KIN: variants seen among roughly 807,000 people sequenced by gnomAD.
KIN encodes the protein Kin17 DNA and RNA binding protein, also known as DNA/RNA-binding protein KIN17.
KIN carries 47 observed loss-of-function variants against 63.0 expected under a neutral mutation model. The observed-to-expected ratio is 0.75, with a 90% CI of 0.59 to 0.95. The LOEUF (loss-of-function observed/expected upper bound fraction) is 0.95. Ranked by LOEUF, KIN falls within the 40% of genes least tolerant of loss-of-function variation. KIN has a pLI of 0.00. For missense variants in KIN, 408 were observed against 460.9 expected (o/e 0.89, Z 1.05); for synonymous variants, 160 against 157.7 (o/e 1.01, Z -0.11).
chr10:7,759,962 G>A lies in KIN; in HGVS notation c.1047C>T (p.Gly349=). Residue 349 remains glycine (G), a synonymous_variant, in exon 12 of 13, where the codon GGC becomes GGT. Transcript: ENST00000379562. ...PGKRILVLNG[G]YRGNEGTLES... ...CTAGGGTACCTTCATTTCCTCTGTA[G>A]CCTCCATTTAAAACTAGAATTCTTT... The A allele has an allele frequency of 6.5e-7, 1 of 1,528,480 alleles. No individual in the cohort carries two copies. Among genetic ancestry groups the A allele is most frequent in the Non-Finnish European group, 8.8e-7 (1 of 1,134,804 alleles). The allele number at this position is 1,528,480 out of a possible 1,614,324, so 94.7% of individuals were successfully genotyped here.
rs911682250 is a variant in KIN at position 7,753,152 on chromosome 10, C to T, written c.*2928G>A. ...CTGCAGTCATTTTGCTTAGCATAAA[C>T]TCTATCAAGTTCTACAGACTCAGAG... is the stretch of plus-strand genomic sequence containing the variant. On this transcript the variant is annotated 3_prime_UTR_variant, in exon 13 of 13. Coordinates refer to ENST00000379562, the MANE Select transcript of KIN (RefSeq NM_012311.4). 1 of 152,216 alleles carries T rather than the reference C, an allele frequency of 6.6e-6. No homozygotes were observed. The allele number at this position is 152,216 out of a possible 1,614,324, so 9.4% of individuals were successfully genotyped here.
At chr10:7,756,948 G>A (rs569855367) in intron 12 of KIN, among the ~76,000 whole-genome samples, 1 of 152,132 alleles carries the variant, frequency 6.6e-6, no homozygotes, top group Non-Finnish European at 1.5e-5. Flanking sequence ...TGGGAACACA[G>A]AGGCTAAGAA....
intron 1 of KIN, among the ~76,000 whole-genome samples, chr10:7,785,012 G>C (rs1835970178): frequency 6.6e-6 from 1 of 152,118 alleles, no homozygotes. Flanking sequence ...CACTTTGGGA[G>C]GCCGAGGCAG....
At chr10:7,781,587 T>TCTACACAC (rs71515486) in intron 2 of KIN, among the ~76,000 whole-genome samples, 1 of 140,720 alleles carries the variant, frequency 7.1e-6, no homozygotes, top group African/African-American at 2.7e-5. Flanking sequence ...ACCCTGTCTC[T>TCTACACAC]ACACACACAC....
chr10:7,765,399 A>G (rs1835523866), intron 9 of KIN, among the ~76,000 whole-genome samples: 1 of 152,042 alleles, frequency 6.6e-6, no homozygotes, highest in Non-Finnish European at 1.5e-5. Flanking sequence ...GTTTCAGACC[A>G]GCCTGGTCAA....
intron 6 of KIN, among the ~76,000 whole-genome samples, chr10:7,775,298 C>T (rs1302381767): frequency 6.6e-6 from 1 of 152,200 alleles, no homozygotes; most frequent in East Asian, 1.9e-4. Flanking sequence ...ACATGTGACA[C>T]AGTTCTGGCC....
At chr10:7,771,844 G>A (rs937838341) in intron 7 of KIN, among the ~76,000 whole-genome samples, 7 of 149,748 alleles carry the variant, frequency 4.7e-5, no homozygotes, top group African/African-American at 9.8e-5. Context: ...GTGGTGAGCC[G>A]AGGTCATGCC....
chr10:7,779,492 T>C (rs1168040666), intron 4 of KIN, among the ~76,000 whole-genome samples: 1 of 152,224 alleles, frequency 6.6e-6, no homozygotes, highest in African/African-American at 2.4e-5. Context: ...TCCATATTTA[T>C]ATTTAATGAA....
rs559872156 is a variant in KIN, at chr10:7,751,895, C to A, written c.*4185G>T. 3.0e-3 allele frequency: 6 copies of A among 1,970 alleles called. 3 individuals are homozygous for A. The highest frequency in any genetic ancestry group is 0.013 in the South Asian group (2 of 152). 0.1% of individuals were successfully genotyped at this position (1,970 alleles called of 1,614,324 possible). On this transcript the variant is annotated 3_prime_UTR_variant, in exon 13 of 13. Transcript: ENST00000379562. ...CTAAAAATACAAAAAATTAGCCGGG[C>A]GCGGTGGCGGGCGCCTGTAGTCCCA...
At chr10:7,777,311 G>A (rs1484355103) in intron 5 of KIN, among the ~76,000 whole-genome samples, 1 of 150,982 alleles carries the variant, frequency 6.6e-6, no homozygotes, top group African/African-American at 2.4e-5. Flanking sequence ...GTGGTATACT[G>A]GAACAATGGT....
In KIN at chr10:7,780,127, C is replaced by A; in HGVS notation, c.305G>T (p.Arg102Leu). Residue 102 changes from arginine (R) to leucine (L), a missense_variant, in exon 4 of 13, where the codon CGA becomes CTA. Transcript: ENST00000379562. ...AGTGGCATTCATGTGGATGTGCTCT[C>A]GGTGGCTGATGTATTCGTTGTAGAC... ...NIVYNEYISH[R>L]EHIHMNATQW... is the part of the protein sequence containing the mutation. 1 of 1,613,872 alleles carries A rather than the reference C, an allele frequency of 6.2e-7. No individual in the cohort carries two copies. Among genetic ancestry groups the A allele is most frequent in the Non-Finnish European group, 8.5e-7 (1 of 1,179,946 alleles).
chr10:7,782,400 C>CT (rs1564325519), intron 2 of KIN, among the ~76,000 whole-genome samples: 56 of 136,992 alleles, frequency 4.1e-4, no homozygotes, highest in African/African-American at 1.2e-3. Context: ...TTTTTAGTGC[C>CT]ATTTTTTTTT....
chr10:7,784,450 G>A lies in KIN; in HGVS notation c.115-1275C>T, dbSNP rs79251644. ...TATTTTTTGAAAATTAGCCAGGCAT[G>A]GGTGGTATGTGCCTATAGTCCCAGC... On this transcript the variant is annotated intron_variant, in intron 1 of 12. Transcript: ENST00000379562. Among the ~76,000 whole-genome samples the A allele has an allele frequency of 0.023, 3,536 of 152,212 alleles. 200 individuals carry two copies. In the East Asian group the frequency reaches 0.24, roughly 10 times the overall value.
Position 7,754,182 on chromosome 10 carries a change from T to C in KIN, c.*1898A>G. 2.3e-6 allele frequency: 1 copy of C among 437,782 alleles called. No homozygotes were observed. Among genetic ancestry groups the C allele is most frequent in the Admixed American group, 2.5e-5 (1 of 40,780 alleles). The allele number at this position is 437,782 out of a possible 1,614,324, so 27.1% of individuals were successfully genotyped here. A position where few individuals can be genotyped will look rare whatever the true frequency, so the allele number is the denominator to read the frequency against. ...TCATCTCTACTAAAAATCAAAAAAATTAGCCAGGCATGGTAGTGCATGCCT... is the reference window on the plus strand; with the variant it reads ...TCATCTCTACTAAAAATCAAAAAAACTAGCCAGGCATGGTAGTGCATGCCT... On this transcript the variant is annotated 3_prime_UTR_variant, in exon 13 of 13. Transcript: ENST00000379562.
At chr10:7,767,696 A>G (rs1028875680) in intron 8 of KIN, among the ~76,000 whole-genome samples, 2 of 151,916 alleles carry the variant, frequency 1.3e-5, no homozygotes, top group Non-Finnish European at 1.5e-5. Flanking sequence ...CGCCTCTACT[A>G]AAAATATAAA....
chr10:7,781,016 G>A (rs7086176), intron 2 of KIN, among the ~76,000 whole-genome samples: 20,474 of 152,140 alleles, frequency 0.13, 1,556 homozygotes, highest in East Asian at 0.29. Context: ...TCTGAGCTGG[G>A]TACACCGTAT....
intron 8 of KIN, among the ~76,000 whole-genome samples, chr10:7,768,568 C>T (rs772082440): frequency 6.6e-6 from 1 of 151,656 alleles, no homozygotes; most frequent in East Asian, 1.9e-4. Flanking sequence ...ACAGGTTTCT[C>T]GTGCTCGCTA....
intron 5 of KIN, among the ~76,000 whole-genome samples, chr10:7,776,146 C>G (rs993335469): frequency 6.7e-6 from 1 of 148,510 alleles, no homozygotes. Flanking sequence ...AGGAGAATCA[C>G]GTGAACCCGG....
At chr10:7,769,000 G>C (rs1835610379) in intron 8 of KIN, among the ~76,000 whole-genome samples, 1 of 152,166 alleles carries the variant, frequency 6.6e-6, no homozygotes, top group African/African-American at 2.4e-5. Flanking sequence ...CTGGGCAACA[G>C]AGTGAGACTC....
Sources: gnomAD v4.1 joint callset for allele counts (sites outside exome capture counted in the v4.1 genomes callset) on GRCh38, gnomAD v4.1.1 for gene constraint, MANE v1.5 for transcripts, NCBI Gene and HGNC (gene_info 2026-07-23, HGNC 2026-07-21) for gene names.